The following PTPRF variants were observed in gnomAD, a reference collection of about 807,000 sequenced individuals.
PTPRF encodes receptor-type tyrosine-protein phosphatase F.
PTPRF carries 59 observed loss-of-function variants against 201.8 expected under a neutral mutation model. That is an observed-to-expected ratio of 0.29 (90% CI 0.24 to 0.36). PTPRF has a LOEUF of 0.36. Among genes scored for constraint, PTPRF ranks in the 10% least tolerant of loss-of-function variants. The probability of loss-of-function intolerance (pLI) is 1.00; values close to 1 mark genes in which losing one functional copy is unlikely to be tolerated. For missense variants in PTPRF, 2,132 were observed against 2,690.5 expected (o/e 0.79, Z 4.59); for synonymous variants, 1,088 against 1,089.7 (o/e 1.00, Z 0.03).
intron 1 of PTPRF, among the ~76,000 whole-genome samples, chr1:43,531,847 T>C (rs1049548061): frequency 2.0e-5 from 3 of 152,150 alleles, no homozygotes; most frequent in African/African-American, 7.2e-5. Context: ...TCCCGTCCCG[T>C]CCCGGCTCCC....
intron 6 of PTPRF, among the ~76,000 whole-genome samples, chr1:43,574,881 C>T (rs1646821537): frequency 6.6e-6 from 1 of 152,244 alleles, no homozygotes; most frequent in Non-Finnish European, 1.5e-5. Flanking sequence ...TGACCTTGGG[C>T]TTTGAGTAAT....
At chr1:43,565,709 G>A (rs1038470318) in intron 5 of PTPRF, among the ~76,000 whole-genome samples, 2 of 148,006 alleles carry the variant, frequency 1.4e-5, no homozygotes, top group African/African-American at 5.3e-5. Flanking sequence ...GGAGGGGAGG[G>A]CCGCGTCGGT....
At chr1:43,544,900 A>G (rs6695915) in intron 2 of PTPRF, 131 bp from the exon 3 acceptor site, 61,843 of 601,336 alleles carry the variant, frequency 0.1, 3,843 homozygotes, top group African/African-American at 0.21. Context: ...GCACAGCCCA[A>G]GTGGGGGGCT....
chr1:43,552,883 G>A (rs1368220468), intron 3 of PTPRF, among the ~76,000 whole-genome samples: 3 of 152,168 alleles, frequency 2.0e-5, no homozygotes, highest in African/African-American at 7.2e-5. Flanking sequence ...GGATGGGAGA[G>A]GCAGATTTAC....
chr1:43,550,335 G>A (rs955428226), intron 3 of PTPRF, among the ~76,000 whole-genome samples: 2 of 152,172 alleles, frequency 1.3e-5, no homozygotes, highest in African/African-American at 4.8e-5. Context: ...CCGCTTCTTT[G>A]TTTGGAGCGG....
chr1:43,583,390 C>T (rs745918109), intron 7 of PTPRF, among the ~76,000 whole-genome samples: 4 of 152,210 alleles, frequency 2.6e-5, no homozygotes, highest in Non-Finnish European at 5.9e-5. Context: ...CTGTACCCCA[C>T]CTTTGCACCC....
At position 43,621,159 on chromosome 1, in the gene PTPRF, A is replaced by T. The variant is rs1349236746; in HGVS notation, c.5582A>T (p.Tyr1861Phe). 2 of 1,614,124 alleles carry T rather than the reference A, an allele frequency of 1.2e-6. No individual in the cohort carries two copies. The highest frequency in any genetic ancestry group is 1.7e-6 in the Non-Finnish European group (2 of 1,179,938). The change falls in exon 33 of 34, where the codon TAC becomes TTC. Residue 1861 changes from tyrosine to phenylalanine, a missense_variant. Tyr to Phe is a conservative substitution (Grantham distance 22, BLOSUM62 3). This residue lies in a region of PTPRF where 519 missense variants were observed against 659.5 expected (regional missense o/e 0.79). Coordinates refer to ENST00000359947, the MANE Select transcript of PTPRF (RefSeq NM_002840.5). ...TLSIVLERMRYEGVVDMFQTV... is the reference protein window; with the variant it reads ...TLSIVLERMRFEGVVDMFQTV... ...AGCATCGTCCTGGAGCGCATGCGCT[A>T]CGAGGGCGTGGTCGACATGTTTCAG...
intron 6 of PTPRF, among the ~76,000 whole-genome samples, chr1:43,576,711 G>C (rs1433791849): frequency 6.6e-6 from 1 of 152,210 alleles, no homozygotes; most frequent in Admixed American, 6.5e-5. Context: ...TGCCGCACAG[G>C]GTCATGAGAA....
In PTPRF at chr1:43,603,605, C is replaced by T; in HGVS notation, c.2459-6C>T. 6.2e-7 allele frequency: 1 copy of T among 1,612,686 alleles called. No homozygotes were observed. The highest frequency in any genetic ancestry group is 8.5e-7 in the Non-Finnish European group (1 of 1,179,250). On this transcript the variant is annotated splice_polypyrimidine_tract_variant and splice_region_variant and intron_variant, in intron 15 of 33. Coordinates refer to ENST00000359947, the MANE Select transcript of PTPRF (RefSeq NM_002840.5). The surrounding 1 kb of genome is among the most constrained non-coding windows in gnomAD (Gnocchi z 5.8). ...CAGCGCCAGAGCCCAGCCCGTGGTC[C>T]TTCAGTCCCAGGCCGGCCCACCATG...
rs115948865 is a variant in PTPRF at position 43,583,984 on chromosome 1, C to A, written c.680-4747C>A. Among the ~76,000 whole-genome samples the A allele has an allele frequency of 2.7e-3, 406 of 152,284 alleles. 4 individuals carry two copies. Among genetic ancestry groups the A allele is most frequent in the African/African-American group, 9.5e-3 (396 of 41,548 alleles). Reference sequence around the variant, plus strand: ...ACGGTCAGCTGCAACTTAGCAGGATCCATATGGGAGCCTGGAAGTGGCCCC... The same window carrying A: ...ACGGTCAGCTGCAACTTAGCAGGATACATATGGGAGCCTGGAAGTGGCCCC... On this transcript the variant is annotated intron_variant, in intron 7 of 33. Coordinates refer to ENST00000359947, the MANE Select transcript of PTPRF (RefSeq NM_002840.5).
In PTPRF at chr1:43,578,508, G is replaced by A. The variant is rs1647085889; in HGVS notation, c.569-302G>A. ...GAAATAGGCTCCAGTACTGGCAAGA[G>A]TGTGGCAGAAACTGAATGGAGCTGG... is the stretch of plus-strand genomic sequence containing the variant. On this transcript the variant is annotated intron_variant, in intron 6 of 33. Coordinates refer to ENST00000359947, the MANE Select transcript of PTPRF (RefSeq NM_002840.5). 1.3e-5 allele frequency among the ~76,000 whole-genome samples: 2 copies of A among 152,218 alleles called. 1 individual carries two copies. Among genetic ancestry groups the A allele is most frequent in the South Asian group, 4.1e-4 (2 of 4,830 alleles).
rs1234465584 is a variant in PTPRF at position 43,591,474 on chromosome 1, C to T, written c.1452C>T (p.Tyr484=). ...GCAGCCTGCTGCCTGGCATCACCTA[C>T]AGCCTGCGCGTGCTTGCCTTCACCG... ...TVGSLLPGIT[Y]SLRVLAFTAV... Residue 484 remains tyrosine (Y), a synonymous_variant, in exon 9 of 34, where the codon TAC becomes TAT. Coordinates refer to ENST00000359947, the MANE Select transcript of PTPRF (RefSeq NM_002840.5). The T allele has an allele frequency of 5.0e-6, 8 of 1,598,462 alleles. No individual in the cohort carries two copies. The highest frequency in any genetic ancestry group is 1.7e-5 in the Admixed American group (1 of 59,126).
chr1:43,585,669 T>TTGGA (rs1648950600), intron 7 of PTPRF, among the ~76,000 whole-genome samples: 1 of 152,210 alleles, frequency 6.6e-6, no homozygotes, highest in Admixed American at 6.5e-5. Flanking sequence ...TTAGAAGACG[T>TTGGA]GGCTCAGGGC....
chr1:43,551,775 G>C (rs756190951), intron 3 of PTPRF, among the ~76,000 whole-genome samples: 2 of 152,170 alleles, frequency 1.3e-5, no homozygotes, highest in Non-Finnish European at 2.9e-5. Flanking sequence ...CTCATGGAAG[G>C]CCCACCACGT....
chr1:43,567,602 G>C (rs961416636), intron 5 of PTPRF, among the ~76,000 whole-genome samples: 1 of 152,198 alleles, frequency 6.6e-6, no homozygotes, highest in African/African-American at 2.4e-5. Flanking sequence ...GAGCCTTGGG[G>C]AGCATCCCCT....
At chr1:43,549,477 G>T (rs1464892074) in intron 3 of PTPRF, among the ~76,000 whole-genome samples, 1 of 152,190 alleles carries the variant, frequency 6.6e-6, no homozygotes, top group Non-Finnish European at 1.5e-5. Flanking sequence ...GGCCTGTCAG[G>T]GTGGCCTAGG....
rs529385186 is a variant in PTPRF, at chr1:43,547,661, T to A, written c.91+2495T>A. On this transcript the variant is annotated intron_variant, in intron 3 of 33. Coordinates refer to ENST00000359947, the MANE Select transcript of PTPRF (RefSeq NM_002840.5). ...GGCAGTGAAGCGCGGAGTGGACAAATGTGTTTCAATAGGCCTCTTAACGAG... is the reference window on the plus strand; with the variant it reads ...GGCAGTGAAGCGCGGAGTGGACAAAAGTGTTTCAATAGGCCTCTTAACGAG... Among the ~76,000 whole-genome samples the A allele has an allele frequency of 4.6e-5, 7 of 152,222 alleles. No homozygotes were observed. The East Asian group carries it at 1.4e-3, about 29-fold the overall frequency.
intron 23 of PTPRF, among the ~76,000 whole-genome samples, chr1:43,615,384 C>T (rs777895911): frequency 2.0e-4 from 30 of 152,190 alleles, no homozygotes; most frequent in Non-Finnish European, 3.2e-4. Flanking sequence ...GCTTCCCCAT[C>T]TGGGCTCGTG....
chr1:43,612,945 C>T, intron 22 of PTPRF: 6 of 704,154 alleles, frequency 8.5e-6, no homozygotes, highest in Non-Finnish European at 1.3e-5. Context: ...CCCACTGTCT[C>T]CTAACCTTTT....
Sources: allele counts gnomAD v4.1 joint callset (sites outside exome capture counted in the v4.1 genomes callset), GRCh38; gene constraint gnomAD v4.1.1; regional missense constraint gnomAD v4.1.1; non-coding constraint Gnocchi (gnomAD v3.1); transcripts MANE v1.5; gene names NCBI Gene and HGNC (gene_info 2026-07-23, HGNC 2026-07-21).